Variants in DHX29 observed in about 807,000 individuals in gnomAD.
The protein encoded by DHX29 is ATP-dependent RNA helicase DHX29.
Under a neutral mutation model 167.9 loss-of-function variants are expected in DHX29, and 79 were observed. The observed-to-expected ratio is 0.47, with a 90% CI of 0.39 to 0.57. DHX29 has a LOEUF of 0.57. Ranked by LOEUF, DHX29 falls within the 20% of genes least tolerant of loss-of-function variation. The pLI is 0.00. For synonymous variants in DHX29, 530 were observed against 546.0 expected, an observed-to-expected ratio of 0.97 and a Z score of 0.41; for missense variants, 1,347 against 1,593.4, an observed-to-expected ratio of 0.85 and a Z score of 2.63.
chr5:55,307,649 TC>T lies in DHX29; in HGVS notation c.-77del. 1.3e-6 allele frequency: 2 copies of T among 1,546,446 alleles called. No homozygotes were observed. The highest frequency in any genetic ancestry group is 8.8e-7 in the Non-Finnish European group (1 of 1,142,502). On this transcript the variant is annotated 5_prime_UTR_variant, in exon 1 of 27. Transcript: ENST00000251636. ...CTGCACAGCCGAGAGCTCTTCACAT[TC>T]CCCGGCTCCGGGGCTGCCACCCTGC...
At chr5:55,292,466 A>G (rs901764482) in intron 6 of DHX29, among the ~76,000 whole-genome samples, 2 of 152,156 alleles carry the variant, frequency 1.3e-5, no homozygotes, top group African/African-American at 4.8e-5. Flanking sequence ...AGCTACCATA[A>G]TGGCCTCCCT....
At position 55,262,455 on chromosome 5, in the gene DHX29, G is replaced by C. The variant is rs565421992; in HGVS notation, c.3828+175C>G. 1.3e-3 allele frequency among the ~76,000 whole-genome samples: 191 copies of C among 152,274 alleles called. 3 individuals carry two copies. The highest frequency in any genetic ancestry group is 3.5e-4 in the Non-Finnish European group (24 of 68,016). On this transcript the variant is annotated intron_variant, in intron 24 of 26. Transcript: ENST00000251636. ...AAACCTTACTATTTGTTTTTGAAGA[G>C]AAAATAAGCATTCTTTTGTTTGAGA... is the stretch of plus-strand genomic sequence containing the variant.
At chr5:55,256,692 A>G (rs954322582) in intron 26 of DHX29, 152 bp from the exon 27 acceptor site, 1 of 565,216 alleles carries the variant, frequency 1.8e-6, no homozygotes, top group Non-Finnish European at 2.9e-6. Flanking sequence ...ACACCTATAA[A>G]ATATTTTTTG....
chr5:55,265,589 T>C (rs976510540), intron 23 of DHX29, among the ~76,000 whole-genome samples: 1 of 151,262 alleles, frequency 6.6e-6, no homozygotes, highest in Non-Finnish European at 1.5e-5. Context: ...GTGGTAACTA[T>C]AGGTTAAGAG....
intron 6 of DHX29, among the ~76,000 whole-genome samples, chr5:55,292,815 T>C (rs905109826): frequency 3.3e-5 from 5 of 152,204 alleles, no homozygotes; most frequent in Admixed American, 6.5e-5. Context: ...TTTCTTTGCC[T>C]GTCTGAACTC....
intron 20 of DHX29, 124 bp from the exon 21 acceptor site, chr5:55,269,761 T>A: frequency 1.4e-6 from 1 of 720,706 alleles, no homozygotes; most frequent in Non-Finnish European, 2.3e-6. Flanking sequence ...AATGTGAAAG[T>A]AGGGCTATCC....
intron 3 of DHX29, 64 bp from the exon 4 acceptor site, chr5:55,296,413 T>C (rs753894712): frequency 2.1e-5 from 31 of 1,486,162 alleles, no homozygotes; most frequent in Admixed American, 1.8e-4. Context: ...TTACTAATTA[T>C]CCCATTCATT....
At position 55,297,324 on chromosome 5, in the gene DHX29, T is replaced by C; in HGVS notation, c.336A>G (p.Lys112=). The change falls in exon 3 of 27, where the codon AAA becomes AAG. Residue 112 remains lysine (K), a synonymous_variant. Transcript: ENST00000251636. ...CAGTAAGTCTTCCAGAAATCATTCC[T>C]TTGTCATTATTTTGCTTTTTATGCT... is the stretch of plus-strand genomic sequence containing the variant. ...INEHKKQNND[K]GMISGRLTAK... 1 of 1,599,452 alleles carries C rather than the reference T, an allele frequency of 6.3e-7. No individual in the cohort carries two copies. The highest frequency in any genetic ancestry group is 8.6e-7 in the Non-Finnish European group (1 of 1,168,302).
rs550237034 is a variant in DHX29, at chr5:55,256,552, GAAAA to G, written c.4058-16_4058-13del. 1 of 1,361,306 alleles carries G rather than the reference GAAAA, an allele frequency of 7.3e-7. No individual in the cohort carries two copies. Among genetic ancestry groups the G allele is most frequent in the African/African-American group, 1.5e-5 (1 of 65,094 alleles). 84.3% of individuals were successfully genotyped at this position (1,361,306 alleles called of 1,614,324 possible). ...CAGAATCTTGTCATCTGAGTGGAAG[GAAAA>G]AAAAAAGCCACGAATAAATGCAACA... On this transcript the variant is annotated splice_polypyrimidine_tract_variant and intron_variant, in intron 26 of 26. Coordinates refer to ENST00000251636, the MANE Select transcript of DHX29 (RefSeq NM_019030.4).
At chr5:55,297,667 A>G (rs1425557793) in intron 2 of DHX29, among the ~76,000 whole-genome samples, 3 of 152,172 alleles carry the variant, frequency 2.0e-5, no homozygotes. Flanking sequence ...TCCTTGGACC[A>G]CCCTTGGGTT....
intron 23 of DHX29, among the ~76,000 whole-genome samples, chr5:55,264,399 T>C (rs1052904512): frequency 8.5e-5 from 13 of 152,310 alleles, no homozygotes; most frequent in East Asian, 3.9e-4. Context: ...GTATGATGCT[T>C]TGAATGCCTT....
intron 6 of DHX29, 127 bp downstream of exon 6, chr5:55,293,890 T>A (rs1748172123): frequency 2.0e-6 from 2 of 1,008,030 alleles, no homozygotes; most frequent in Middle Eastern, 6.8e-4. Flanking sequence ...GTTATTTTAT[T>A]TAATCTTCAC....
chr5:55,284,927 G>A (rs71622171), intron 10 of DHX29, among the ~76,000 whole-genome samples: 8,820 of 152,086 alleles, frequency 0.058, 456 homozygotes, highest in Admixed American at 0.12. Flanking sequence ...CCAGCTATTC[G>A]GGAGGCTGAG....
chr5:55,256,641 T>C, intron 26 of DHX29, 101 bp from the exon 27 acceptor site: 1 of 932,988 alleles, frequency 1.1e-6, no homozygotes, highest in Non-Finnish European at 1.5e-6. Context: ...TAAAAATTTT[T>C]ACATTAGAAT....
chr5:55,266,211 C>T (rs184527470), intron 23 of DHX29, among the ~76,000 whole-genome samples: 13 of 151,202 alleles, frequency 8.6e-5, no homozygotes, highest in Admixed American at 7.3e-4. Flanking sequence ...CTTGGCCAGG[C>T]TGGTCTTGAA....
rs201919672 is a variant in DHX29, at chr5:55,294,168, T to C, written c.652-23A>G. 30 of 1,558,368 alleles carry C rather than the reference T, an allele frequency of 1.9e-5. No homozygotes were observed. In the East Asian group the frequency reaches 6.5e-4, roughly 34 times the overall value. ...TGGCTAGAAAGAGAAAACAAATATCTGAAAAACCAAAGTTAGAAAAAGGTG... is the reference window on the plus strand; with the variant it reads ...TGGCTAGAAAGAGAAAACAAATATCCGAAAAACCAAAGTTAGAAAAAGGTG... On this transcript the variant is annotated intron_variant, in intron 5 of 26. Transcript: ENST00000251636.
In DHX29 at chr5:55,289,104, G is replaced by A. The variant is rs111386024; in HGVS notation, c.1066+166C>T. Among the ~76,000 whole-genome samples the A allele has an allele frequency of 2.4e-3, 363 of 152,326 alleles. 2 individuals carry two copies. The highest frequency in any genetic ancestry group is 0.024 in the Middle Eastern group (7 of 294). On this transcript the variant is annotated intron_variant, in intron 8 of 26. Transcript: ENST00000251636. ...TTTGTAATTACAAAATGCTGTACATGTGTAATCATAATTGTTAATACTTTT... is the reference window on the plus strand; with the variant it reads ...TTTGTAATTACAAAATGCTGTACATATGTAATCATAATTGTTAATACTTTT...
At position 55,281,439 on chromosome 5, in the gene DHX29, CCT is replaced by C; in HGVS notation, c.2040_2041del (p.Val682PhefsTer13). The C allele has an allele frequency of 6.2e-7, 1 of 1,601,704 alleles. No homozygotes were observed. Among genetic ancestry groups the C allele is most frequent in the African/African-American group, 1.3e-5 (1 of 74,442 alleles). On this transcript the variant is annotated frameshift_variant, in exon 12 of 27. Coordinates refer to ENST00000251636, the MANE Select transcript of DHX29 (RefSeq NM_019030.4). LOFTEE classifies it high-confidence loss of function. Reference sequence around the variant, plus strand: ...TTCTTGAAGTTTCCTTAGCAAAACCCCTGTTGTACAATAGAGTAACCTGGTAG... The same window carrying C: ...TTCTTGAAGTTTCCTTAGCAAAACCCGTTGTACAATAGAGTAACCTGGTAG...
At chr5:55,273,206 C>T (rs910456058) in intron 17 of DHX29, 87 bp downstream of exon 17, 98 of 1,373,770 alleles carry the variant, frequency 7.1e-5, no homozygotes, top group Non-Finnish European at 9.3e-5. Flanking sequence ...TTAATGTTAA[C>T]AACTGTCTTT....
Sources: allele counts gnomAD v4.1 joint callset (sites outside exome capture counted in the v4.1 genomes callset), GRCh38; gene constraint gnomAD v4.1.1; transcripts MANE v1.5; gene names NCBI Gene and HGNC (gene_info 2026-07-23, HGNC 2026-07-21).